Variants in ITSN1 observed in about 807,000 individuals in gnomAD.
ITSN1 encodes the protein intersectin 1.
In ITSN1, 58 loss-of-function variants were observed where a neutral mutation model predicts 239.8. The observed-to-expected ratio is 0.24, with a 90% CI of 0.20 to 0.30. The LOEUF (loss-of-function observed/expected upper bound fraction) is 0.30. Ranked by LOEUF, ITSN1 falls within the 10% of genes least tolerant of loss-of-function variation. ITSN1 has a pLI of 1.00. For synonymous variants in ITSN1, 780 were observed against 770.8 expected (o/e 1.01, Z -0.20); for missense variants, 1,558 against 2,103.3 (o/e 0.74, Z 5.07).
At chr21:33,816,181 A>T (rs1397172927) in intron 22 of ITSN1, among the ~76,000 whole-genome samples, 1 of 151,950 alleles carries the variant, frequency 6.6e-6, no homozygotes, top group Non-Finnish European at 1.5e-5. Context: ...CGACAGAGCA[A>T]GACTGAGTTC....
intron 24 of ITSN1, among the ~76,000 whole-genome samples, chr21:33,823,192 T>C (rs1251679193): frequency 6.6e-6 from 1 of 152,210 alleles, no homozygotes; most frequent in African/African-American, 2.4e-5. Flanking sequence ...TGATGCTAAA[T>C]GGTAGATCAC....
intron 1 of ITSN1, among the ~76,000 whole-genome samples, chr21:33,645,157 T>G (rs1485504188): frequency 3.3e-5 from 5 of 152,334 alleles, no homozygotes; most frequent in African/African-American, 1.2e-4. Flanking sequence ...CTTTTTAATT[T>G]GCTAACATTT....
In ITSN1 at chr21:33,654,334, G is replaced by A. The variant is rs546593629; in HGVS notation, c.-33+11621G>A. Among the ~76,000 whole-genome samples, 5 of 152,014 alleles carry A rather than the reference G, an allele frequency of 3.3e-5. No homozygotes were observed. The South Asian group carries it at 6.2e-4, about 19-fold the overall frequency. ...GCCTCCCCAAGTGCTGGGCTTACGG[G>A]CATGAACCGCTGCACCTGGCCTTTG... On this transcript the variant is annotated intron_variant, in intron 1 of 39. Coordinates refer to ENST00000381318, the MANE Select transcript of ITSN1 (RefSeq NM_003024.3).
chr21:33,686,634 A>G (rs997049146), intron 1 of ITSN1, among the ~76,000 whole-genome samples: 7 of 152,236 alleles, frequency 4.6e-5, no homozygotes, highest in African/African-American at 1.2e-4. Flanking sequence ...CAGTTCGTCT[A>G]TTGCCTGGCT....
In ITSN1 at chr21:33,865,514, G is replaced by A. The variant is rs535363335; in HGVS notation, c.4074+180G>A. Among the ~76,000 whole-genome samples the A allele has an allele frequency of 6.0e-4, 91 of 152,376 alleles. No individual in the cohort carries two copies. The highest frequency in any genetic ancestry group is 2.1e-3 in the African/African-American group (89 of 41,596). On this transcript the variant is annotated intron_variant, in intron 32 of 39. Transcript: ENST00000381318. The surrounding 1 kb of genome is among the most constrained non-coding windows in gnomAD (Gnocchi z 4.4). ...CTGGCAAGTGTGGCTGTCACCAAAGGGGTGGGCTTGGAGAGGAGGGGTGAA... is the reference window on the plus strand; with the variant it reads ...CTGGCAAGTGTGGCTGTCACCAAAGAGGTGGGCTTGGAGAGGAGGGGTGAA...
intron 1 of ITSN1, among the ~76,000 whole-genome samples, chr21:33,700,951 CTGTGTGTGTGTGTGTGTGTG>C (rs72389168): frequency 1.6e-4 from 23 of 141,862 alleles, no homozygotes; most frequent in African/African-American, 2.4e-4. Flanking sequence ...TTTCTTTTTT[CTGTGTGTGTGTGTGTGTGTG>C]TGTGTGTGTG....
chr21:33,734,069 C>A (rs1339444420), intron 4 of ITSN1, among the ~76,000 whole-genome samples: 1 of 152,102 alleles, frequency 6.6e-6, no homozygotes, highest in African/African-American at 2.4e-5. Context: ...TTTAATTGAA[C>A]TGTCTTATTT....
At chr21:33,887,009 T>A (rs1985901952) in intron 39 of ITSN1, among the ~76,000 whole-genome samples, 1 of 152,056 alleles carries the variant, frequency 6.6e-6, no homozygotes, top group Non-Finnish European at 1.5e-5. Flanking sequence ...AAACTACCTG[T>A]CTCTCCCTCA....
chr21:33,646,262 A>T (rs779034838), intron 1 of ITSN1, among the ~76,000 whole-genome samples: 12 of 152,356 alleles, frequency 7.9e-5, no homozygotes, highest in Non-Finnish European at 1.5e-4. Flanking sequence ...CAAGGTGATT[A>T]GCCAGAAAGA....
rs1986111322 is a variant in ITSN1, at chr21:33,888,456, C to T, written c.*156C>T. 1 of 691,696 alleles carries T rather than the reference C, an allele frequency of 1.4e-6. No homozygotes were observed. The highest frequency in any genetic ancestry group is 2.0e-5 in the South Asian group (1 of 49,854). 42.8% of individuals were successfully genotyped at this position (691,696 alleles called of 1,614,324 possible). A position where few individuals can be genotyped will look rare whatever the true frequency, so the allele number is the denominator to read the frequency against. On this transcript the variant is annotated 3_prime_UTR_variant, in exon 40 of 40. Coordinates refer to ENST00000381318, the MANE Select transcript of ITSN1 (RefSeq NM_003024.3). ...CCCCTCAAAGCTCCTAGGAATCATT[C>T]TCGACAATCCTCCCTGCCCCGAAAC...
chr21:33,839,475 G>C (rs1438161975), intron 29 of ITSN1, among the ~76,000 whole-genome samples: 5 of 152,078 alleles, frequency 3.3e-5, no homozygotes, highest in Non-Finnish European at 7.4e-5. Flanking sequence ...AGATGGAGCT[G>C]TCAGGACAAG....
Position 33,750,262 on chromosome 21 carries a change from C to G in ITSN1, c.466C>G (p.Pro156Ala). ...ATCTTCTGTTCCCACAGCAGCTGTGCCCCCCCTGGCTAACGGGGCTCCCCC... is the reference window on the plus strand; with the variant it reads ...ATCTTCTGTTCCCACAGCAGCTGTGGCCCCCCTGGCTAACGGGGCTCCCCC... ...LVSSVPTAAVPPLANGAPPVI... is the reference protein window; with the variant it reads ...LVSSVPTAAVAPLANGAPPVI... Residue 156 changes from proline (P) to alanine (A), a missense_variant, in exon 6 of 40, where the codon CCC becomes GCC. Transcript: ENST00000381318. 6.2e-7 allele frequency: 1 copy of G among 1,613,490 alleles called. No individual in the cohort carries two copies.
chr21:33,811,349 T>C, intron 21 of ITSN1, 127 bp downstream of exon 21: 1 of 840,160 alleles, frequency 1.2e-6, no homozygotes. Flanking sequence ...TCATTTTCAG[T>C]ACTCCTTTCT....
In ITSN1 at chr21:33,698,641, G is replaced by A. The variant is rs565408829; in HGVS notation, c.-32-20156G>A. ...AGACATGACAATAGGGCATTGATCA[G>A]GTTGGCTATATGTTTGGGATTTGTC... is the stretch of plus-strand genomic sequence containing the variant. On this transcript the variant is annotated intron_variant, in intron 1 of 39. Transcript: ENST00000381318. Among the ~76,000 whole-genome samples, 8 of 152,276 alleles carry A rather than the reference G, an allele frequency of 5.3e-5. No individual in the cohort carries two copies. In the East Asian group the frequency reaches 1.4e-3, roughly 26 times the overall value.
intron 26 of ITSN1, 145 bp from the exon 27 acceptor site, chr21:33,829,479 G>T (rs1193795103): frequency 2.5e-6 from 2 of 813,742 alleles, no homozygotes; most frequent in Non-Finnish European, 3.9e-6. Flanking sequence ...GCGATTCAGG[G>T]AGCCTTACTC....
chr21:33,800,978 C>T (rs1337833107), intron 19 of ITSN1, among the ~76,000 whole-genome samples: 2 of 148,236 alleles, frequency 1.3e-5, no homozygotes, highest in Non-Finnish European at 3.0e-5. Context: ...CAAAGCGATT[C>T]TCCCACCTCA....
At chr21:33,807,371 C>T (rs888842897) in intron 20 of ITSN1, among the ~76,000 whole-genome samples, 2 of 152,192 alleles carry the variant, frequency 1.3e-5, no homozygotes, top group Admixed American at 1.3e-4. Context: ...CAGTGTCTCG[C>T]TCTGTTACTC....
chr21:33,840,200 C>G (rs1166012645), intron 29 of ITSN1, among the ~76,000 whole-genome samples: 1 of 152,132 alleles, frequency 6.6e-6, no homozygotes, highest in Non-Finnish European at 1.5e-5. Context: ...TAAACTACTT[C>G]AGTCATATTC....
In ITSN1 at chr21:33,750,178, G is replaced by T. The variant is rs1465823122; in HGVS notation, c.382G>T (p.Ala128Ser). 3.1e-6 allele frequency: 5 copies of T among 1,614,046 alleles called. No individual in the cohort carries two copies. The highest frequency in any genetic ancestry group is 4.2e-6 in the Non-Finnish European group (5 of 1,180,032). ...TATCGCCAGCATGCCACCGCTTACA[G>T]CTGTTGCTCCAGTGCCAATGGGATC... is the stretch of plus-strand genomic sequence containing the variant. ...GGIASMPPLT[A>S]VAPVPMGSIP... is the part of the protein sequence containing the mutation. Residue 128 changes from alanine to serine, a missense_variant, in exon 6 of 40, where the codon GCT becomes TCT. Physicochemically the swap from Ala to Ser is moderately conservative, Grantham distance 99 (BLOSUM62 1). This residue lies in a region of ITSN1 where 982 missense variants were observed against 1,209.9 expected (regional missense o/e 0.81). Coordinates refer to ENST00000381318, the MANE Select transcript of ITSN1 (RefSeq NM_003024.3).
Sources: gnomAD v4.1 joint callset for allele counts (sites outside exome capture counted in the v4.1 genomes callset) on GRCh38, gnomAD v4.1.1 for gene constraint, gnomAD v4.1.1 regional missense constraint, Gnocchi (gnomAD v3.1) non-coding constraint, MANE v1.5 for transcripts, NCBI Gene and HGNC (gene_info 2026-07-23, HGNC 2026-07-21) for gene names.